Variants in DOT1L observed in about 807,000 individuals in gnomAD.
The protein encoded by DOT1L is histone-lysine N-methyltransferase, H3 lysine-79 specific.
DOT1L carries 33 observed loss-of-function variants against 153.3 expected under a neutral mutation model. The ratio of observed to expected loss-of-function variants is 0.22; its 90% CI spans 0.16 to 0.29. The LOEUF (loss-of-function observed/expected upper bound fraction) is 0.29. Ranked by LOEUF, DOT1L falls within the 10% of genes least tolerant of loss-of-function variation. DOT1L has a pLI of 1.00. For missense variants in DOT1L, 1,847 were observed against 2,119.9 expected, an observed-to-expected ratio of 0.87 and a Z score of 2.53; for synonymous variants, 1,135 against 965.1, an observed-to-expected ratio of 1.18 and a Z score of -3.26.
At chr19:2,179,869 G>A (rs533449662) in intron 1 of DOT1L, among the ~76,000 whole-genome samples, 1 of 152,140 alleles carries the variant, frequency 6.6e-6, no homozygotes, top group Non-Finnish European at 1.5e-5. Flanking sequence ...CAAGTGATTC[G>A]CTCCCTGCAC....
At chr19:2,206,295 TTTTAAAGAAGCATTA>T (rs1332533724) in intron 9 of DOT1L, among the ~76,000 whole-genome samples, 2 of 152,136 alleles carry the variant, frequency 1.3e-5, no homozygotes, top group African/African-American at 4.8e-5. Context: ...CGAGAATGTT[TTTTAAAGAAGCATTA>T]TTTGTAGGAG....
chr19:2,210,596 C>G, intron 13 of DOT1L, 25 bp from the exon 14 acceptor site: 3 of 1,607,856 alleles, frequency 1.9e-6, no homozygotes, highest in Non-Finnish European at 2.5e-6. Context: ...TGTGCCCATC[C>G]CTGTTCTTCC....
intron 8 of DOT1L, among the ~76,000 whole-genome samples, chr19:2,201,945 T>A (rs897334392): frequency 1.3e-5 from 2 of 152,232 alleles, no homozygotes; most frequent in African/African-American, 4.8e-5. Flanking sequence ...GGCCTCAGCC[T>A]GTTTTCCCTT....
chr19:2,174,559 G>A (rs1014410161), intron 1 of DOT1L, among the ~76,000 whole-genome samples: 1 of 152,162 alleles, frequency 6.6e-6, no homozygotes, highest in Non-Finnish European at 1.5e-5. Flanking sequence ...GGTGGCGCAC[G>A]CCTGTAATCC....
intron 1 of DOT1L, among the ~76,000 whole-genome samples, chr19:2,175,002 ATATTT>A (rs780476062): frequency 1.8e-4 from 16 of 88,272 alleles, no homozygotes; most frequent in African/African-American, 7.0e-4. Flanking sequence ...GTGTATATAT[ATATTT>A]TTTTTTTTTT....
chr19:2,189,925 G>C (rs924072599), intron 4 of DOT1L, 130 bp downstream of exon 4: 2 of 1,042,272 alleles, frequency 1.9e-6, no homozygotes, highest in African/African-American at 1.6e-5. Flanking sequence ...TGTGCAGCGT[G>C]GGGGGACGAT....
intron 22 of DOT1L, among the ~76,000 whole-genome samples, chr19:2,218,793 T>C (rs1366299395): frequency 6.6e-6 from 1 of 151,770 alleles, no homozygotes; most frequent in Non-Finnish European, 1.5e-5. Context: ...GCCTCCCAGG[T>C]TCATGCCATT....
chr19:2,230,006 T>C lies in DOT1L; in HGVS notation c.*214T>C. 1 of 743,628 alleles carries C rather than the reference T, an allele frequency of 1.3e-6. No homozygotes were observed. The highest frequency in any genetic ancestry group is 2.1e-6 in the Non-Finnish European group (1 of 469,898). The allele number at this position is 743,628 out of a possible 1,614,324, so 46.1% of individuals were successfully genotyped here. A position where few individuals can be genotyped will look rare whatever the true frequency, so the allele number is the denominator to read the frequency against. ...GTTTTAGATAAAGTATTTATCATTT[T>C]TTAAAAAGTATAAACAATTCTGACT... is the stretch of plus-strand genomic sequence containing the variant. On this transcript the variant is annotated 3_prime_UTR_variant, in exon 28 of 28. Transcript: ENST00000398665.
At chr19:2,210,583 C>T in intron 13 of DOT1L, 38 bp from the exon 14 acceptor site, 1 of 1,602,654 alleles carries the variant, frequency 6.2e-7, no homozygotes. Flanking sequence ...GGGTGGGAGG[C>T]TCTGTGCCCA....
chr19:2,199,848 C>T (rs2023172833), intron 7 of DOT1L, 36 bp from the exon 8 acceptor site: 1 of 1,607,394 alleles, frequency 6.2e-7, no homozygotes, highest in Non-Finnish European at 8.5e-7. Context: ...GCCAGGGAGG[C>T]CGGGGGTCCG....
chr19:2,172,017 T>C (rs775931683), intron 1 of DOT1L, among the ~76,000 whole-genome samples: 6 of 151,968 alleles, frequency 3.9e-5, no homozygotes, highest in Non-Finnish European at 7.4e-5. Context: ...ATTGTGCAAA[T>C]AGTGATAACC....
At chr19:2,187,783 G>T (rs999204747) in intron 3 of DOT1L, among the ~76,000 whole-genome samples, 4 of 152,096 alleles carry the variant, frequency 2.6e-5, no homozygotes, top group African/African-American at 7.2e-5. Context: ...TTAGCCGGGC[G>T]TGGTGGCGGG....
Position 2,207,511 on chromosome 19 carries a change from T to C in DOT1L, c.857-63T>C. On this transcript the variant is annotated intron_variant, in intron 10 of 27. Coordinates refer to ENST00000398665, the MANE Select transcript of DOT1L (RefSeq NM_032482.3). This position sits in a 1 kb window ranked among gnomAD's most constrained non-coding sequence, Gnocchi z 4.5. ...GTCCCCACGCCTGCCCTGGGGTGGG[T>C]GAGGTCTGCATGGAGGGGCTGTGGG... 1 of 1,419,838 alleles carries C rather than the reference T, an allele frequency of 7.0e-7. No homozygotes were observed. The highest frequency in any genetic ancestry group is 9.7e-7 in the Non-Finnish European group (1 of 1,034,812). 88.0% of individuals were successfully genotyped at this position (1,419,838 alleles called of 1,614,324 possible).
Position 2,222,773 on chromosome 19 carries a change from G to C in DOT1L, c.3390+214G>C, listed in dbSNP as rs1375319361. The C allele has an allele frequency of 1.8e-6, 1 of 559,952 alleles. No homozygotes were observed. The highest frequency in any genetic ancestry group is 3.1e-6 in the Non-Finnish European group (1 of 327,072). The allele number at this position is 559,952 out of a possible 1,614,324, so 34.7% of individuals were successfully genotyped here. ...AGATTAGCCGGGCGTGGTGGCGGGT[G>C]CCTGGGAGGCTGAGGCAGGAGAATG... On this transcript the variant is annotated intron_variant, in intron 24 of 27. Coordinates refer to ENST00000398665, the MANE Select transcript of DOT1L (RefSeq NM_032482.3). The surrounding 1 kb of genome is among the most constrained non-coding windows in gnomAD (Gnocchi z 6.5).
chr19:2,194,166 T>G (rs374184297), intron 6 of DOT1L, among the ~76,000 whole-genome samples: 5 of 152,010 alleles, frequency 3.3e-5, no homozygotes, highest in African/African-American at 7.2e-5. Context: ...TGTTGTTGTT[T>G]TTTTTTGTTT....
Position 2,222,361 on chromosome 19 carries a change from C to G in DOT1L, c.3192C>G (p.His1064Gln). The G allele has an allele frequency of 1.2e-6, 2 of 1,612,326 alleles. No homozygotes were observed. Among genetic ancestry groups the G allele is most frequent in the Non-Finnish European group, 1.7e-6 (2 of 1,179,696 alleles). Reference sequence around the variant, plus strand: ...CCAAGCAGTCGCCCTCCAGCAAGCACAGCCCCCTGACCGCCAGCGCCCGTG... The same window carrying G: ...CCAAGCAGTCGCCCTCCAGCAAGCAGAGCCCCCTGACCGCCAGCGCCCGTG... Reference protein sequence around the residue: ...GSAKQSPSSKHSPLTASARGD... With the variant: ...GSAKQSPSSKQSPLTASARGD... The change falls in exon 24 of 28, where the codon CAC (histidine) becomes CAG (glutamine). Residue 1064 changes from histidine (H) to glutamine (Q), a missense_variant. Physicochemically the swap from His to Gln is conservative, Grantham distance 24 (BLOSUM62 0). Transcript: ENST00000398665. The surrounding 1 kb of genome is among the most constrained non-coding windows in gnomAD (Gnocchi z 6.5).
intron 1 of DOT1L, among the ~76,000 whole-genome samples, chr19:2,177,370 C>T (rs996230024): frequency 8.5e-5 from 13 of 152,050 alleles, no homozygotes; most frequent in African/African-American, 2.9e-4. Context: ...GATCTCGGCT[C>T]ACTGTAACCT....
intron 24 of DOT1L, chr19:2,223,002 G>A (rs891630627): frequency 2.1e-6 from 1 of 486,020 alleles, no homozygotes; most frequent in Non-Finnish European, 3.6e-6. Context: ...TCTGGGGTTC[G>A]GAGTGCGATG....
rs1446528759 is a variant in DOT1L at position 2,192,401 on chromosome 19, C to T, written c.493+1161C>T. Among the ~76,000 whole-genome samples the T allele has an allele frequency of 3.3e-5, 5 of 152,336 alleles. No homozygotes were observed. The East Asian group carries it at 9.6e-4, about 29-fold the overall frequency. ...AATGTGTATCGTCTGGACGTGGTGG[C>T]TCACGCCTGTAATCCCAGCACTTTG... On this transcript the variant is annotated intron_variant, in intron 5 of 27. Coordinates refer to ENST00000398665, the MANE Select transcript of DOT1L (RefSeq NM_032482.3).
Sources: allele counts gnomAD v4.1 joint callset (sites outside exome capture counted in the v4.1 genomes callset), GRCh38; gene constraint gnomAD v4.1.1; non-coding constraint Gnocchi (gnomAD v3.1); transcripts MANE v1.5; gene names NCBI Gene and HGNC (gene_info 2026-07-23, HGNC 2026-07-21).